The following SRD5A1 variants were observed in gnomAD, a reference collection of about 807,000 sequenced individuals.
SRD5A1 encodes 3-oxo-5-alpha-steroid 4-dehydrogenase 1.
A neutral mutation model predicts 28.2 loss-of-function variants in SRD5A1; 22 were observed. The ratio of observed to expected loss-of-function variants is 0.78; its 90% confidence interval spans 0.56 to 1.12. SRD5A1 has a LOEUF of 1.12. Ranked by LOEUF, SRD5A1 falls within the 50% of genes most tolerant of loss-of-function variation. The pLI, the probability that SRD5A1 is intolerant of heterozygous loss-of-function variation, is 0.00. For missense variants in SRD5A1, 300 were observed against 346.7 expected, an observed-to-expected ratio of 0.87 and a Z score of 1.07; for synonymous variants, 151 against 135.0, an observed-to-expected ratio of 1.12 and a Z score of -0.82.
rs1424501617 is a variant in SRD5A1 at position 6,671,492 on chromosome 5, C to A, written c.*3224C>A. ...TCTGCTGACTGTTGCTTTTACCATG[C>A]AAAAGCTCTTTAGTTTAATTAAGTC... On this transcript the variant is annotated 3_prime_UTR_variant, in exon 5 of 5. Coordinates refer to ENST00000274192, the MANE Select transcript of SRD5A1 (RefSeq NM_001047.4). 1.3e-5 allele frequency: 2 copies of A among 152,144 alleles called. No homozygotes were observed. The highest frequency in any genetic ancestry group is 6.5e-5 in the Admixed American group (1 of 15,276). The allele number at this position is 152,144 out of a possible 1,614,324, so 9.4% of individuals were successfully genotyped here.
intron 1 of SRD5A1, among the ~76,000 whole-genome samples, chr5:6,649,846 G>A (rs184888041): frequency 2.1e-4 from 32 of 152,226 alleles, no homozygotes; most frequent in Non-Finnish European, 2.6e-4. Context: ...TGTCGATCTC[G>A]CTGGGAGCTG....
Position 6,633,637 on chromosome 5 carries a change from T to G in SRD5A1, c.61T>G (p.Cys21Gly). The change falls in exon 1 of 5, where the codon TGC becomes GGC. Residue 21 changes from cysteine to glycine, a missense_variant. Coordinates refer to ENST00000274192, the MANE Select transcript of SRD5A1 (RefSeq NM_001047.4). Reference protein sequence around the residue: ...RLLAALAYLQCAVGCAVFARN... With the variant: ...RLLAALAYLQGAVGCAVFARN... The stretch of plus-strand genomic sequence containing the variant: ...GCTGGCCGCGCTCGCCTACCTGCAG[T>G]GCGCCGTGGGCTGCGCGGTCTTCGC... 1 of 1,553,018 alleles carries G rather than the reference T, an allele frequency of 6.4e-7. No homozygotes were observed.
chr5:6,642,607 A>G (rs8192168), intron 1 of SRD5A1, among the ~76,000 whole-genome samples: 4,271 of 152,352 alleles, frequency 0.028, 106 homozygotes, highest in Non-Finnish European at 0.045. Flanking sequence ...GAACAATGGC[A>G]GTTGTCATCA....
At chr5:6,653,783 G>A (rs190484192) in intron 2 of SRD5A1, among the ~76,000 whole-genome samples, 7 of 152,280 alleles carry the variant, frequency 4.6e-5, no homozygotes, top group East Asian at 1.9e-4. Context: ...AAGTAGCTCC[G>A]CAGATGGTTC....
intron 3 of SRD5A1, among the ~76,000 whole-genome samples, chr5:6,659,868 T>C (rs558878501): frequency 6.6e-6 from 1 of 152,148 alleles, no homozygotes; most frequent in Non-Finnish European, 1.5e-5. Context: ...GACTCCACCA[T>C]GGTCGGCTTT....
intron 1 of SRD5A1, among the ~76,000 whole-genome samples, chr5:6,640,256 AAAAG>A (rs1378935612): frequency 2.0e-5 from 3 of 152,242 alleles, no homozygotes; most frequent in African/African-American, 7.2e-5. Flanking sequence ...GCAGTGTAAA[AAAAG>A]GGCATTTAGT....
intron 1 of SRD5A1, among the ~76,000 whole-genome samples, chr5:6,643,018 T>G (rs1738408850): frequency 7.2e-6 from 1 of 139,408 alleles, no homozygotes; most frequent in South Asian, 2.3e-4. Context: ...TTTTACAAGT[T>G]TGTAAGTTTG....
Position 6,633,512 on chromosome 5 carries a change from G to GCCGCCGCCCTATATGTTGC in SRD5A1, c.-57_-39dup. 1 of 1,387,972 alleles carries GCCGCCGCCCTATATGTTGC rather than the reference G, an allele frequency of 7.2e-7. No individual in the cohort carries two copies. Among genetic ancestry groups the GCCGCCGCCCTATATGTTGC allele is most frequent in the Non-Finnish European group, 9.3e-7 (1 of 1,079,202 alleles). 86.0% of individuals were successfully genotyped at this position (1,387,972 alleles called of 1,614,324 possible). A position where few individuals can be genotyped will look rare whatever the true frequency, so the allele number is the denominator to read the frequency against. On this transcript the variant is annotated 5_prime_UTR_variant, in exon 1 of 5. In the 5' UTR this introduces an upstream ATG that the reference lacks. Transcript: ENST00000274192. ...CGGTAGCCGCCCCTCCTGCCCCCGC[G>GCCGCCGCCCTATATGTTGC]CCGCCGCCCTATATGTTGCCCGCCG...
At chr5:6,667,657 TG>T (rs1739226709) in intron 4 of SRD5A1, among the ~76,000 whole-genome samples, 1 of 152,240 alleles carries the variant, frequency 6.6e-6, no homozygotes, top group Non-Finnish European at 1.5e-5. Context: ...AAATAATGTT[TG>T]TTTCGAGCAC....
intron 1 of SRD5A1, among the ~76,000 whole-genome samples, chr5:6,641,135 C>T (rs2126527880): frequency 6.6e-6 from 1 of 152,276 alleles, no homozygotes; most frequent in African/African-American, 2.4e-5. Context: ...CACCCACCTT[C>T]CTTGCTATCT....
chr5:6,634,915 A>G (rs1011247593), intron 1 of SRD5A1, among the ~76,000 whole-genome samples: 1 of 152,244 alleles, frequency 6.6e-6, no homozygotes, highest in African/African-American at 2.4e-5. Context: ...AAAGCTTCAC[A>G]GTTAAAAAGG....
intron 1 of SRD5A1, among the ~76,000 whole-genome samples, chr5:6,636,821 C>T (rs1738196235): frequency 6.6e-6 from 1 of 152,116 alleles, no homozygotes; most frequent in African/African-American, 2.4e-5. Context: ...ACAAGACATT[C>T]CCTTTGAGTT....
chr5:6,655,586 C>T (rs1178745285), intron 2 of SRD5A1, among the ~76,000 whole-genome samples: 2 of 151,652 alleles, frequency 1.3e-5, no homozygotes, highest in African/African-American at 2.4e-5. Flanking sequence ...TAAGAGAAGA[C>T]CAGAGATCTA....
intron 1 of SRD5A1, among the ~76,000 whole-genome samples, chr5:6,636,954 C>A (rs950543676): frequency 3.3e-5 from 5 of 152,096 alleles, no homozygotes; most frequent in African/African-American, 1.2e-4. Flanking sequence ...TGACGCAGGA[C>A]GAGCTGTGGT....
intron 1 of SRD5A1, among the ~76,000 whole-genome samples, chr5:6,642,931 C>G (rs955616135): frequency 1.3e-5 from 2 of 152,162 alleles, no homozygotes; most frequent in Non-Finnish European, 2.9e-5. Flanking sequence ...ACTGTTGACA[C>G]TATGGGCTTA....
chr5:6,633,873 A>C lies in SRD5A1; in HGVS notation c.293+4A>C. The C allele has an allele frequency of 6.3e-7, 1 of 1,596,742 alleles. No individual in the cohort carries two copies. Among genetic ancestry groups the C allele is most frequent in the Non-Finnish European group, 8.5e-7 (1 of 1,179,210 alleles). ...TCCTCGTCCACTACGGGCATCGGTA[A>C]CGTCCCCGGCCCCCGGCCCCCTACC... On this transcript the variant is annotated splice_donor_region_variant and intron_variant, in intron 1 of 4. Transcript: ENST00000274192.
chr5:6,671,400 A>G lies in SRD5A1; in HGVS notation c.*3132A>G, dbSNP rs764817062. On this transcript the variant is annotated 3_prime_UTR_variant, in exon 5 of 5. Coordinates refer to ENST00000274192, the MANE Select transcript of SRD5A1 (RefSeq NM_001047.4). ...TGTTTGAGTTTGTTGTAGATTCTGG[A>G]TATTAGTCCTTTGTCTGATGTATAG... The G allele has an allele frequency of 2.4e-4, 36 of 148,348 alleles. No homozygotes were observed. The highest frequency in any genetic ancestry group is 4.3e-4 in the Non-Finnish European group (29 of 67,960). 9.2% of individuals were successfully genotyped at this position (148,348 alleles called of 1,614,324 possible).
chr5:6,634,051 G>A (rs1338313848), intron 1 of SRD5A1, among the ~76,000 whole-genome samples, 182 bp downstream of exon 1: 1 of 152,262 alleles, frequency 6.6e-6, no homozygotes, highest in Non-Finnish European at 1.5e-5. Context: ...CCGGCCCCGG[G>A]AGTTTGGAAA....
At chr5:6,639,460 C>T (rs1361373441) in intron 1 of SRD5A1, among the ~76,000 whole-genome samples, 2 of 152,196 alleles carry the variant, frequency 1.3e-5, no homozygotes, top group African/African-American at 2.4e-5. Flanking sequence ...TAGGAGCAGA[C>T]GTTTGAGAAG....
Sources: gnomAD v4.1 joint callset for allele counts (sites outside exome capture counted in the v4.1 genomes callset) on GRCh38, gnomAD v4.1.1 for gene constraint, MANE v1.5 for transcripts, NCBI Gene and HGNC (gene_info 2026-07-23, HGNC 2026-07-21) for gene names.